CD96: variants seen among roughly 807,000 people sequenced by gnomAD.
CD96 encodes the protein T-cell surface protein tactile.
In CD96, 70 loss-of-function variants were observed where a neutral mutation model predicts 71.3. That is an observed-to-expected ratio of 0.98 (90% CI 0.81 to 1.20). CD96 has a LOEUF of 1.20. Among genes scored for constraint, CD96 ranks in the 50% most tolerant of loss-of-function variants. CD96 has a pLI of 0.00. For missense variants in CD96, 742 were observed against 677.5 expected (o/e 1.10, Z -1.06); for synonymous variants, 248 against 233.0 (o/e 1.06, Z -0.59).
intron 8 of CD96, among the ~76,000 whole-genome samples, chr3:111,615,348 A>C (rs1938176602): frequency 6.6e-6 from 1 of 152,226 alleles, no homozygotes; most frequent in Non-Finnish European, 1.5e-5. Flanking sequence ...ACATGAAGGG[A>C]GACAGGAGAA....
intron 1 of CD96, 102 bp downstream of exon 1, chr3:111,542,411 A>ACCACTGCTGAAATTGATCT: frequency 1.2e-6 from 1 of 824,236 alleles, no homozygotes; most frequent in Non-Finnish European, 2.2e-6. Context: ...GAAATTGATC[A>ACCACTGCTGAAATTGATCT]CCAAAGGACA....
chr3:111,643,376 C>T (rs1407339388), intron 12 of CD96, among the ~76,000 whole-genome samples: 5 of 152,118 alleles, frequency 3.3e-5, no homozygotes, highest in African/African-American at 1.2e-4. Context: ...CAACACAATA[C>T]TGAATGGGGA....
intron 2 of CD96, among the ~76,000 whole-genome samples, chr3:111,555,991 T>A (rs939523040): frequency 4.6e-5 from 7 of 152,304 alleles, no homozygotes; most frequent in Admixed American, 4.6e-4. Flanking sequence ...ATAATTTATA[T>A]TGAACAATGT....
chr3:111,625,496 CA>C (rs1367572914), intron 10 of CD96, among the ~76,000 whole-genome samples: 1 of 151,926 alleles, frequency 6.6e-6, no homozygotes, highest in South Asian at 2.1e-4. Flanking sequence ...AAGTGTCTAT[CA>C]AAGATGGTGT....
chr3:111,542,232 A>G lies in CD96; in HGVS notation c.-17A>G. 9 of 1,606,526 alleles carry G rather than the reference A, an allele frequency of 5.6e-6. No individual in the cohort carries two copies. The highest frequency in any genetic ancestry group is 7.7e-6 in the Non-Finnish European group (9 of 1,173,074). On this transcript the variant is annotated 5_prime_UTR_variant, in exon 1 of 14. It removes the in-frame stop codon of an upstream open reading frame in the 5' UTR. Coordinates refer to ENST00000352690, the MANE Select transcript of CD96 (RefSeq NM_005816.5). ...GTGATCATTACAGAAATGCTGGTGT[A>G]AGGTGTTCAGAAGACAATGGAGAAA...
chr3:111,653,592 A>T (rs763155741), downstream of CD96, among the ~76,000 whole-genome samples: 2 of 152,224 alleles, frequency 1.3e-5, no homozygotes, highest in Non-Finnish European at 2.9e-5. Flanking sequence ...TTACAAAATG[A>T]GTTAAGGGTT....
chr3:111,616,741 T>C (rs1408690536), intron 8 of CD96, among the ~76,000 whole-genome samples: 1 of 152,098 alleles, frequency 6.6e-6, no homozygotes, highest in Non-Finnish European at 1.5e-5. Flanking sequence ...GGATGCCAGC[T>C]GTAGTGAGGG....
intron 13 of CD96, among the ~76,000 whole-genome samples, chr3:111,649,375 A>G (rs993286329): frequency 1.3e-5 from 2 of 152,290 alleles, no homozygotes; most frequent in Middle Eastern, 3.4e-3. Context: ...ATGTTATGAT[A>G]CATTTCCTGC....
Position 111,650,046 on chromosome 3 carries a change from T to A in CD96, c.*240T>A, listed in dbSNP as rs1940008841. 2 of 516,910 alleles carry A rather than the reference T, an allele frequency of 3.9e-6. No individual in the cohort carries two copies. The highest frequency in any genetic ancestry group is 3.1e-5 in the Admixed American group (1 of 31,746). 32.0% of individuals were successfully genotyped at this position (516,910 alleles called of 1,614,324 possible). ...CTCAATGCAATTCGTAGTGGTTTTC[T>A]TGCTTATGTAAGAAGTACATATTAG... On this transcript the variant is annotated 3_prime_UTR_variant, in exon 14 of 14. Coordinates refer to ENST00000352690, the MANE Select transcript of CD96 (RefSeq NM_005816.5).
In CD96 at chr3:111,631,276, C is replaced by T. The variant is rs144537798; in HGVS notation, c.1322-5920C>T. On this transcript the variant is annotated intron_variant, in intron 10 of 13. Coordinates refer to ENST00000352690, the MANE Select transcript of CD96 (RefSeq NM_005816.5). ...TTTTCTCAGCCCAAAACTTCTTAAGCTGATAAGCAACTTCAGCAAAATCTC... is the reference window on the plus strand; with the variant it reads ...TTTTCTCAGCCCAAAACTTCTTAAGTTGATAAGCAACTTCAGCAAAATCTC... 2.3e-3 allele frequency among the ~76,000 whole-genome samples: 343 copies of T among 152,272 alleles called. 1 individual carries two copies. The highest frequency in any genetic ancestry group is 8.0e-3 in the African/African-American group (333 of 41,562).
Position 111,638,114 on chromosome 3 carries a change from G to C in CD96, c.1423G>C (p.Glu475Gln). The change falls in exon 12 of 14, where the codon GAA (glutamate) becomes CAA (glutamine). Residue 475 changes from glutamate (E) to glutamine (Q), a missense_variant. Transcript: ENST00000352690. ...VFTSTARAFS[E>Q]VPTTANGSTK... is the part of the protein sequence containing the mutation. ...TACCAGCACAGCCAGAGCATTTTCA[G>C]AAGTCCCCACAACTGCCAATGGATC... 1 of 1,611,634 alleles carries C rather than the reference G, an allele frequency of 6.2e-7. No individual in the cohort carries two copies. Among genetic ancestry groups the C allele is most frequent in the Non-Finnish European group, 8.5e-7 (1 of 1,177,808 alleles).
chr3:111,659,707 C>A (rs1430885469), intron 14 of CD96, among the ~76,000 whole-genome samples: 1 of 152,098 alleles, frequency 6.6e-6, no homozygotes, highest in Non-Finnish European at 1.5e-5. Flanking sequence ...TTCTGGGATG[C>A]AAGGCTGGTT....
At chr3:111,647,143 G>A (rs1433867023) in intron 12 of CD96, among the ~76,000 whole-genome samples, 1 of 144,056 alleles carries the variant, frequency 6.9e-6, no homozygotes, top group African/African-American at 2.6e-5. Context: ...TTACCTGGGT[G>A]ACAAAATAAT....
intron 5 of CD96, among the ~76,000 whole-genome samples, chr3:111,586,969 G>A (rs147758838): frequency 9.2e-5 from 14 of 152,154 alleles, no homozygotes; most frequent in African/African-American, 3.1e-4. Flanking sequence ...AGAGTCCAAA[G>A]TCTCATCTGA....
At chr3:111,576,428 G>A (rs1018819430) in intron 3 of CD96, among the ~76,000 whole-genome samples, 1 of 152,108 alleles carries the variant, frequency 6.6e-6, no homozygotes, top group Non-Finnish European at 1.5e-5. Context: ...CCTCACCCCT[G>A]TAATCTACAA....
intron 10 of CD96, among the ~76,000 whole-genome samples, chr3:111,631,873 G>A (rs2107736876): frequency 6.6e-6 from 1 of 152,138 alleles, no homozygotes; most frequent in Non-Finnish European, 1.5e-5. Context: ...AACAAGCAAT[G>A]AGAAAAGGAT....
chr3:111,626,075 G>A (rs548728292), intron 10 of CD96, among the ~76,000 whole-genome samples: 21 of 152,136 alleles, frequency 1.4e-4, no homozygotes, highest in African/African-American at 3.9e-4. Flanking sequence ...AGGCTGAGGC[G>A]GGTGGATCAC....
intron 5 of CD96, among the ~76,000 whole-genome samples, chr3:111,595,750 A>G (rs957517103): frequency 2.6e-5 from 4 of 151,390 alleles, no homozygotes; most frequent in Non-Finnish European, 4.4e-5. Context: ...TAATATATAT[A>G]TGTGTGTGTA....
In CD96 at chr3:111,588,471, G is replaced by A. The variant is rs912066731; in HGVS notation, c.807+3093G>A. 3.3e-5 allele frequency among the ~76,000 whole-genome samples: 5 copies of A among 152,240 alleles called. No individual in the cohort carries two copies. The East Asian group carries it at 9.6e-4, about 29-fold the overall frequency. On this transcript the variant is annotated intron_variant, in intron 5 of 13. Transcript: ENST00000352690. ...GTTCCAAACTTTCCCATATTTTCCT[G>A]TCTTCTTCTGAACCCACCAAACTGT...
Sources: gnomAD v4.1 joint callset for allele counts (sites outside exome capture counted in the v4.1 genomes callset) on GRCh38, gnomAD v4.1.1 for gene constraint, MANE v1.5 for transcripts, NCBI Gene and HGNC (gene_info 2026-07-23, HGNC 2026-07-21) for gene names.